Variants in KCNK1 observed in about 807,000 individuals in gnomAD.
KCNK1 encodes potassium two pore domain channel subfamily K member 1.
Under a neutral mutation model 22.2 loss-of-function variants are expected in KCNK1, and 10 were observed. The ratio of observed to expected loss-of-function variants is 0.45; its 90% CI spans 0.28 to 0.76. KCNK1 has a LOEUF of 0.76. Among genes scored for constraint, KCNK1 ranks in the 30% least tolerant of loss-of-function variants. The pLI is 0.14. For missense variants in KCNK1, 378 were observed against 421.0 expected, an observed-to-expected ratio of 0.90 and a Z score of 0.89; for synonymous variants, 200 against 186.4, an observed-to-expected ratio of 1.07 and a Z score of -0.60.
At chr1:233,648,563 C>CA (rs918005333) in intron 1 of KCNK1, among the ~76,000 whole-genome samples, 1 of 146,418 alleles carries the variant, frequency 6.8e-6, no homozygotes, top group African/African-American at 2.5e-5. Context: ...TGCTTGCTTG[C>CA]TTTTTTTTTT....
intron 1 of KCNK1, among the ~76,000 whole-genome samples, chr1:233,641,530 G>A (rs1365541746): frequency 6.6e-6 from 1 of 152,218 alleles, no homozygotes; most frequent in Non-Finnish European, 1.5e-5. Flanking sequence ...ACACGTAAAT[G>A]TTCTCACACT....
chr1:233,640,645 T>C (rs1195097142), intron 1 of KCNK1, among the ~76,000 whole-genome samples: 1 of 152,200 alleles, frequency 6.6e-6, no homozygotes, highest in Non-Finnish European at 1.5e-5. Context: ...AAGAAGTGGT[T>C]TTCTGGGATA....
intron 1 of KCNK1, among the ~76,000 whole-genome samples, chr1:233,617,427 C>G (rs1225286253): frequency 6.6e-6 from 1 of 152,182 alleles, no homozygotes; most frequent in African/African-American, 2.4e-5. Flanking sequence ...GAAAAGATTT[C>G]TCACCCATCA....
intron 1 of KCNK1, among the ~76,000 whole-genome samples, chr1:233,630,215 GT>G (rs1657767475): frequency 6.6e-6 from 1 of 152,166 alleles, no homozygotes; most frequent in South Asian, 2.1e-4. Flanking sequence ...CTTCTAAGTA[GT>G]TTTGGAAGCG....
intron 1 of KCNK1, among the ~76,000 whole-genome samples, chr1:233,642,965 A>C: frequency 7.3e-6 from 1 of 137,266 alleles, no homozygotes; most frequent in African/African-American, 2.8e-5. Context: ...CATTTTTAGT[A>C]GAGATGGGGT....
chr1:233,627,679 G>T (rs191253683), intron 1 of KCNK1, among the ~76,000 whole-genome samples: 3 of 152,192 alleles, frequency 2.0e-5, no homozygotes, highest in Non-Finnish European at 4.4e-5. Context: ...GAAGAGCACT[G>T]TTGTGTGGAT....
intron 1 of KCNK1, among the ~76,000 whole-genome samples, chr1:233,642,790 A>T (rs975431966): frequency 4.0e-5 from 6 of 150,774 alleles, no homozygotes; most frequent in African/African-American, 1.5e-4. Context: ...TTCTTTTGAG[A>T]CAGAGTCTCA....
chr1:233,621,404 T>C (rs1263500236), intron 1 of KCNK1, among the ~76,000 whole-genome samples: 2 of 152,224 alleles, frequency 1.3e-5, no homozygotes, highest in African/African-American at 2.4e-5. Flanking sequence ...AGGTACATGA[T>C]AGTTTTTATT....
intron 1 of KCNK1, among the ~76,000 whole-genome samples, chr1:233,643,409 G>T (rs759686815): frequency 1.7e-4 from 26 of 152,292 alleles, no homozygotes; most frequent in Non-Finnish European, 3.2e-4. Flanking sequence ...CTATGTATGA[G>T]CTCACGGTTT....
chr1:233,647,941 A>G (rs2102899489), intron 1 of KCNK1, among the ~76,000 whole-genome samples: 1 of 152,320 alleles, frequency 6.6e-6, no homozygotes, highest in African/African-American at 2.4e-5. Context: ...AAAAACCCCA[A>G]GTATATTCTC....
chr1:233,619,185 T>C (rs538077476), intron 1 of KCNK1, among the ~76,000 whole-genome samples: 1 of 151,158 alleles, frequency 6.6e-6, no homozygotes. Context: ...ACCTGGCCAA[T>C]TTTTTTTTCA....
At chr1:233,657,304 T>G (rs562265406) in intron 1 of KCNK1, among the ~76,000 whole-genome samples, 1 of 152,240 alleles carries the variant, frequency 6.6e-6, no homozygotes, top group African/African-American at 2.4e-5. Flanking sequence ...TTAGGTAGGA[T>G]TCTTATGTTT....
intron 1 of KCNK1, among the ~76,000 whole-genome samples, chr1:233,648,464 C>T (rs1658141396): frequency 6.6e-6 from 1 of 152,076 alleles, no homozygotes; most frequent in Non-Finnish European, 1.5e-5. Flanking sequence ...TCTGGCATGT[C>T]AGTACATTTT....
chr1:233,641,719 AGATT>A, intron 1 of KCNK1, among the ~76,000 whole-genome samples: 2 of 152,350 alleles, frequency 1.3e-5, no homozygotes, highest in Middle Eastern at 6.8e-3. Flanking sequence ...AACAAAAGAT[AGATT>A]AACAAGAGAA....
intron 2 of KCNK1, among the ~76,000 whole-genome samples, chr1:233,669,496 C>T (rs1328585308): frequency 1.3e-5 from 2 of 152,206 alleles, no homozygotes; most frequent in Non-Finnish European, 2.9e-5. Flanking sequence ...TAAAATACCC[C>T]TGTTTTTGTC....
At chr1:233,631,684 A>G (rs1280275808) in intron 1 of KCNK1, among the ~76,000 whole-genome samples, 1 of 152,038 alleles carries the variant, frequency 6.6e-6, no homozygotes, top group Admixed American at 6.6e-5. Flanking sequence ...TTCTCCACTC[A>G]TTTCCTCATC....
intron 1 of KCNK1, among the ~76,000 whole-genome samples, chr1:233,636,154 C>G (rs778960579): frequency 2.0e-5 from 3 of 152,162 alleles, no homozygotes; most frequent in Admixed American, 1.3e-4. Context: ...CATGTAGGAC[C>G]TTATGGGCCC....
intron 1 of KCNK1, among the ~76,000 whole-genome samples, chr1:233,635,519 T>TA (rs1331592826): frequency 6.6e-6 from 1 of 152,210 alleles, no homozygotes; most frequent in African/African-American, 2.4e-5. Context: ...ACTATATATA[T>TA]TTTTTATTTC....
At chr1:233,643,890 A>G (rs967729110) in intron 1 of KCNK1, among the ~76,000 whole-genome samples, 2 of 152,174 alleles carry the variant, frequency 1.3e-5, no homozygotes, top group Non-Finnish European at 2.9e-5. Context: ...CAAGACAAAA[A>G]TTACCCGGGG....
Sources: allele counts gnomAD v4.1 joint callset (sites outside exome capture counted in the v4.1 genomes callset), GRCh38; gene constraint gnomAD v4.1.1; transcripts MANE v1.5; gene names NCBI Gene and HGNC (gene_info 2026-07-23, HGNC 2026-07-21).